The following DAB1 variants were observed in gnomAD, a reference collection of about 807,000 sequenced individuals.
DAB1 encodes the protein DAB adaptor protein 1.
DAB1 carries 15 observed loss-of-function variants against 64.6 expected under a neutral mutation model. The observed-to-expected ratio is 0.23, with a 90% CI of 0.16 to 0.36. DAB1 has a LOEUF of 0.36. DAB1 is among the 10% of genes least tolerant of loss of function. DAB1 has a pLI of 1.00. For synonymous variants in DAB1, 235 were observed against 251.9 expected (o/e 0.93, Z 0.64); for missense variants, 596 against 706.7 (o/e 0.84, Z 1.78).
chr1:57,272,388 C>T (rs1002387579), intron 2 of DAB1, among the ~76,000 whole-genome samples: 1 of 152,206 alleles, frequency 6.6e-6, no homozygotes, highest in East Asian at 1.9e-4. Context: ...CACAACATTG[C>T]ACATCCCACT....
chr1:57,492,909 T>C (rs888981099), intron 7 of DAB1, among the ~76,000 whole-genome samples: 3 of 152,064 alleles, frequency 2.0e-5, no homozygotes, highest in African/African-American at 7.2e-5. Flanking sequence ...GAAATTCAAA[T>C]TTTTTTCAGA....
intron 1 of DAB1, among the ~76,000 whole-genome samples, chr1:57,306,038 T>C (rs1674132439): frequency 1.3e-5 from 2 of 152,034 alleles, no homozygotes; most frequent in Admixed American, 1.3e-4. Flanking sequence ...GGCTTCACGT[T>C]CTGTGCTAAG....
intron 4 of DAB1, among the ~76,000 whole-genome samples, chr1:57,109,059 C>A (rs1398598380): frequency 6.6e-6 from 1 of 152,146 alleles, no homozygotes; most frequent in Non-Finnish European, 1.5e-5. Context: ...CCTGCTATGG[C>A]CATTTGGACT....
At chr1:57,756,352 A>G (rs1648805056) in intron 6 of DAB1, among the ~76,000 whole-genome samples, 1 of 152,194 alleles carries the variant, frequency 6.6e-6, no homozygotes, top group Non-Finnish European at 1.5e-5. Flanking sequence ...AGGAGTTCAT[A>G]GGAGAAAGGT....
intron 6 of DAB1, among the ~76,000 whole-genome samples, chr1:57,756,226 T>C (rs1201186128): frequency 1.3e-5 from 2 of 152,170 alleles, no homozygotes; most frequent in Non-Finnish European, 2.9e-5. Flanking sequence ...GACAGTCACA[T>C]TGCCCTCATT....
At chr1:57,559,284 G>A (rs1645024661) in intron 7 of DAB1, among the ~76,000 whole-genome samples, 1 of 152,174 alleles carries the variant, frequency 6.6e-6, no homozygotes, top group Non-Finnish European at 1.5e-5. Flanking sequence ...ATCATCGTTT[G>A]AATGATAAAA....
intron 2 of DAB1, among the ~76,000 whole-genome samples, chr1:57,237,940 GAC>G (rs1271524242): frequency 6.6e-6 from 1 of 152,118 alleles, no homozygotes; most frequent in African/African-American, 2.4e-5. Context: ...AACGAGAAAA[GAC>G]AAATTGGTGG....
At chr1:57,136,728 C>T (rs1658154864) in intron 3 of DAB1, 87 bp from the exon 4 acceptor site, 1 of 680,044 alleles carries the variant, frequency 1.5e-6, no homozygotes, top group African/African-American at 1.8e-5. Context: ...ATACCATCAA[C>T]CAATGCCACC....
chr1:57,870,392 A>G lies in DAB1; in HGVS notation n.87+13607T>C, dbSNP rs550645901. 8.1e-4 allele frequency among the ~76,000 whole-genome samples: 123 copies of G among 152,196 alleles called. 1 individual carries two copies. The South Asian group carries it at 0.025, about 31-fold the overall frequency. On this transcript the variant is annotated intron_variant and non_coding_transcript_variant, in intron 1 of 1. Coordinates refer to the DAB1 transcript ENST00000477280. ...TGGAATACAACTAAGAAGCCGTTTT[A>G]TTGGAGAATGATGGAGGAAGCATTT...
chr1:57,109,586 A>AATT (rs5774328), intron 4 of DAB1, among the ~76,000 whole-genome samples: 115,316 of 151,782 alleles, frequency 0.76, 44,018 homozygotes, highest in East Asian at 0.98. Context: ...TCAACACTGC[A>AATT]ATTATTACCA....
intron 2 of DAB1, among the ~76,000 whole-genome samples, chr1:58,523,647 C>T (rs1273201643): frequency 1.3e-5 from 2 of 152,106 alleles, no homozygotes; most frequent in East Asian, 1.9e-4. Flanking sequence ...CACCTGTAAT[C>T]CCAGCACTTT....
At chr1:57,980,385 T>G (rs1646036157) in intron 5 of DAB1, among the ~76,000 whole-genome samples, 1 of 152,092 alleles carries the variant, frequency 6.6e-6, no homozygotes. Flanking sequence ...CCCAAGCACT[T>G]CCTTATCTCC....
intron 3 of DAB1, among the ~76,000 whole-genome samples, chr1:58,463,230 C>T (rs1011292901): frequency 6.6e-6 from 1 of 152,166 alleles, no homozygotes; most frequent in African/African-American, 2.4e-5. Flanking sequence ...AGCCTTAGTG[C>T]CTTCCCCACT....
intron 1 of DAB1, among the ~76,000 whole-genome samples, chr1:57,379,867 C>T (rs1194411858): frequency 1.3e-5 from 2 of 152,216 alleles, no homozygotes; most frequent in Non-Finnish European, 2.9e-5. Context: ...ATCTGCTACT[C>T]ATTAACACCA....
At chr1:58,504,126 G>A (rs903562650) in intron 3 of DAB1, among the ~76,000 whole-genome samples, 1 of 152,086 alleles carries the variant, frequency 6.6e-6, no homozygotes, top group Non-Finnish European at 1.5e-5. Flanking sequence ...TAAAACATGA[G>A]TCAAATCAAG....
intron 1 of DAB1, among the ~76,000 whole-genome samples, chr1:58,531,018 T>C (rs952910426): frequency 2.0e-5 from 3 of 152,218 alleles, no homozygotes; most frequent in African/African-American, 7.2e-5. Context: ...TCTTGTGAAA[T>C]AGCTACAATT....
chr1:57,933,024 C>G (rs1478664767), intron 5 of DAB1, among the ~76,000 whole-genome samples: 1 of 152,144 alleles, frequency 6.6e-6, no homozygotes, highest in Non-Finnish European at 1.5e-5. Flanking sequence ...TTCTTCTCTC[C>G]CTGACAAAAG....
At chr1:57,722,144 C>T (rs1647158482) in intron 6 of DAB1, among the ~76,000 whole-genome samples, 2 of 152,194 alleles carry the variant, frequency 1.3e-5, no homozygotes, top group Non-Finnish European at 2.9e-5. Flanking sequence ...GCACAACATC[C>T]AGAAAGCAGG....
intron 1 of DAB1, among the ~76,000 whole-genome samples, chr1:57,374,345 C>G (rs1346389561): frequency 6.6e-6 from 1 of 152,114 alleles, no homozygotes; most frequent in Non-Finnish European, 1.5e-5. Context: ...GCCTTATTTA[C>G]TCATAAATCA....
Sources: allele counts gnomAD v4.1 joint callset (sites outside exome capture counted in the v4.1 genomes callset), GRCh38; gene constraint gnomAD v4.1.1; transcripts MANE v1.5; gene names NCBI Gene and HGNC (gene_info 2026-07-23, HGNC 2026-07-21).